UNC5C: variants seen among roughly 807,000 people sequenced by gnomAD.
UNC5C encodes the protein netrin receptor UNC5C.
A neutral mutation model predicts 99.8 loss-of-function variants in UNC5C; 47 were observed. The ratio of observed to expected loss-of-function variants is 0.47; its 90% CI spans 0.37 to 0.60. The LOEUF is 0.60. Among genes scored for constraint, UNC5C ranks in the 20% least tolerant of loss-of-function variants. The pLI is 0.00. For synonymous variants in UNC5C, 487 were observed against 452.2 expected (o/e 1.08, Z -0.98); for missense variants, 1,062 against 1,165.9 (o/e 0.91, Z 1.30).
At chr4:95,447,553 T>G (rs1416850083) in intron 1 of UNC5C, among the ~76,000 whole-genome samples, 2 of 152,156 alleles carry the variant, frequency 1.3e-5, no homozygotes, top group Non-Finnish European at 2.9e-5. Flanking sequence ...CAGGCTGGAG[T>G]GCAGTGGCGC....
At chr4:95,404,431 G>T (rs1308531859) in intron 1 of UNC5C, among the ~76,000 whole-genome samples, 2 of 152,116 alleles carry the variant, frequency 1.3e-5, no homozygotes, top group Non-Finnish European at 2.9e-5. Flanking sequence ...AGGCCATAAT[G>T]ATATGCAATG....
chr4:95,186,700 GGC>G (rs1354478022), intron 12 of UNC5C, among the ~76,000 whole-genome samples: 2 of 152,158 alleles, frequency 1.3e-5, no homozygotes, highest in African/African-American at 4.8e-5. Flanking sequence ...GAAGAGATGA[GGC>G]AATAGCACAC....
At chr4:95,467,393 G>T (rs1314645265) in intron 1 of UNC5C, among the ~76,000 whole-genome samples, 1 of 152,112 alleles carries the variant, frequency 6.6e-6, no homozygotes, top group Non-Finnish European at 1.5e-5. Context: ...AACATATAAA[G>T]ATCAACCCAC....
chr4:95,533,850 A>C (rs764601259), intron 1 of UNC5C, among the ~76,000 whole-genome samples: 3 of 152,208 alleles, frequency 2.0e-5, no homozygotes, highest in Middle Eastern at 3.2e-3. Flanking sequence ...AAATAGTCTC[A>C]TATTTTTTGT....
chr4:95,211,798 T>C (rs189133530), intron 10 of UNC5C, among the ~76,000 whole-genome samples: 19 of 152,336 alleles, frequency 1.2e-4, no homozygotes, highest in Admixed American at 2.6e-4. Flanking sequence ...ATTTCTCTTA[T>C]TGAGAAGTGT....
At chr4:95,439,181 A>G (rs1746876741) in intron 1 of UNC5C, among the ~76,000 whole-genome samples, 1 of 152,186 alleles carries the variant, frequency 6.6e-6, no homozygotes, top group Non-Finnish European at 1.5e-5. Context: ...AAGCAGTTCC[A>G]TTATAAACAA....
chr4:95,273,841 T>C (rs6833909), intron 4 of UNC5C, among the ~76,000 whole-genome samples: 91,101 of 151,788 alleles, frequency 0.6, 28,722 homozygotes, highest in African/African-American at 0.8. Context: ...GTTTGGAACC[T>C]TGCCCTCAGG....
chr4:95,530,479 T>C (rs1437537487), intron 1 of UNC5C, among the ~76,000 whole-genome samples: 4 of 152,200 alleles, frequency 2.6e-5, no homozygotes, highest in Non-Finnish European at 5.9e-5. Flanking sequence ...AATTCTTCAT[T>C]TAAAAATGCA....
chr4:95,412,472 T>G (rs2149452475), intron 1 of UNC5C, among the ~76,000 whole-genome samples: 1 of 152,224 alleles, frequency 6.6e-6, no homozygotes, highest in Admixed American at 6.5e-5. Flanking sequence ...AACTGACCTT[T>G]ATCTTGAGGT....
chr4:95,300,152 G>A (rs76258033), intron 3 of UNC5C, among the ~76,000 whole-genome samples: 6,920 of 152,176 alleles, frequency 0.045, 506 homozygotes, highest in African/African-American at 0.16. Context: ...GGATTTCAGC[G>A]CTTTCTCATG....
chr4:95,394,211 T>C (rs1348976614), intron 1 of UNC5C, among the ~76,000 whole-genome samples: 2 of 151,464 alleles, frequency 1.3e-5, no homozygotes, highest in African/African-American at 4.9e-5. Context: ...AGCTGCTTTC[T>C]AAATAACAGA....
intron 1 of UNC5C, among the ~76,000 whole-genome samples, chr4:95,511,448 C>T (rs910295191): frequency 5.3e-5 from 8 of 151,956 alleles, no homozygotes; most frequent in African/African-American, 1.7e-4. Flanking sequence ...CCTCCACATG[C>T]CATTAGTATT....
rs368035663 is a variant in UNC5C, at chr4:95,222,905, C to T, written c.1109-2729G>A. 1.7e-4 allele frequency among the ~76,000 whole-genome samples: 26 copies of T among 152,112 alleles called. No individual in the cohort carries two copies. In the East Asian group the frequency reaches 3.1e-3, roughly 18 times the overall value. On this transcript the variant is annotated intron_variant, in intron 7 of 15. Coordinates refer to ENST00000453304, the MANE Select transcript of UNC5C (RefSeq NM_003728.4). Reference sequence around the variant, plus strand: ...TTGTCAATGCAATGGAAACTGGATGCTTTTTATTTGAAATCATTAGAAAAT... The same window carrying T: ...TTGTCAATGCAATGGAAACTGGATGTTTTTTATTTGAAATCATTAGAAAAT...
intron 1 of UNC5C, among the ~76,000 whole-genome samples, chr4:95,436,296 T>A (rs893255676): frequency 6.6e-6 from 1 of 151,940 alleles, no homozygotes; most frequent in African/African-American, 2.4e-5. Context: ...CTCTATTAAA[T>A]AATATATAAT....
intron 1 of UNC5C, among the ~76,000 whole-genome samples, chr4:95,439,383 G>GTT (rs3069229): frequency 0.26 from 37,661 of 144,228 alleles, 5,014 homozygotes; most frequent in South Asian, 0.38. Flanking sequence ...TGAGGTTTTG[G>GTT]TTTTTTTTTT....
At chr4:95,538,089 T>C (rs915378167) in intron 1 of UNC5C, among the ~76,000 whole-genome samples, 1 of 152,196 alleles carries the variant, frequency 6.6e-6, no homozygotes, top group African/African-American at 2.4e-5. Context: ...CTGTTACTTT[T>C]GTTTCATCAC....
At chr4:95,357,158 T>C (rs1744237090) in intron 1 of UNC5C, among the ~76,000 whole-genome samples, 1 of 149,720 alleles carries the variant, frequency 6.7e-6, no homozygotes, top group South Asian at 2.1e-4. Flanking sequence ...TTTAAAGACA[T>C]GGTCTTACTC....
intron 1 of UNC5C, among the ~76,000 whole-genome samples, chr4:95,479,612 A>G (rs761509332): frequency 2.6e-5 from 4 of 151,990 alleles, no homozygotes; most frequent in East Asian, 1.9e-4. Context: ...CGAATGAACC[A>G]TCTTTCGCAG....
intron 1 of UNC5C, among the ~76,000 whole-genome samples, chr4:95,424,845 A>C (rs987827071): frequency 4.6e-5 from 7 of 151,932 alleles, no homozygotes; most frequent in African/African-American, 1.7e-4. Context: ...AGATGAGGAA[A>C]CTGAGGCACA....
Sources: allele counts gnomAD v4.1 joint callset (sites outside exome capture counted in the v4.1 genomes callset), GRCh38; gene constraint gnomAD v4.1.1; transcripts MANE v1.5; gene names NCBI Gene and HGNC (gene_info 2026-07-23, HGNC 2026-07-21).